Variants in MACF1 observed in about 807,000 individuals in gnomAD.
MACF1 encodes the protein microtubule actin crosslinking factor 1.
MACF1 carries 193 observed loss-of-function variants against 854.8 expected under a neutral mutation model. The observed-to-expected ratio is 0.23, with a 90% CI of 0.20 to 0.25. The LOEUF is 0.25. MACF1 is among the 10% of genes least tolerant of loss of function. The probability of loss-of-function intolerance (pLI) is 1.00; values close to 1 mark genes in which losing one functional copy is unlikely to be tolerated. For missense variants in MACF1, 7,722 were observed against 8,929.1 expected (o/e 0.86, Z 5.45); for synonymous variants, 3,185 against 3,226.7 (o/e 0.99, Z 0.44).
rs763526144 is a variant in MACF1 at position 39,334,370 on chromosome 1, C to T, written c.7782C>T (p.Thr2594=). 1 of 1,613,792 alleles carries T rather than the reference C, an allele frequency of 6.2e-7. No individual in the cohort carries two copies. Among genetic ancestry groups the T allele is most frequent in the African/African-American group, 1.3e-5 (1 of 74,838 alleles). The change falls in exon 37 of 101, where the codon ACC becomes ACT. Residue 2594 remains threonine (T), a synonymous_variant. Transcript: ENST00000564288. ...FVDLISGQRL[T]LAEAKKEGLL... ...ATCTCATTTCTGGTCAGAGATTGAC[C>T]TTGGCAGAAGCTAAAAAAGAAGGAC...
chr1:39,305,613 A>T (rs1282495093), intron 23 of MACF1, among the ~76,000 whole-genome samples: 1 of 152,100 alleles, frequency 6.6e-6, no homozygotes, highest in African/African-American at 2.4e-5. Flanking sequence ...TTTTTGTTTA[A>T]GTTGCTATTT....
chr1:39,366,215 G>A (rs1048998492), intron 49 of MACF1, among the ~76,000 whole-genome samples: 1 of 152,214 alleles, frequency 6.6e-6, no homozygotes, highest in African/African-American at 2.4e-5. Flanking sequence ...CACACTAAAT[G>A]TATTCATTCA....
chr1:39,126,162 T>G (rs1381767958), intron 2 of MACF1, among the ~76,000 whole-genome samples: 1 of 152,206 alleles, frequency 6.6e-6, no homozygotes, highest in Non-Finnish European at 1.5e-5. Context: ...CTTACAGTTC[T>G]GGAGGCGAGA....
At chr1:39,232,756 T>TG (rs1322458161) in intron 2 of MACF1, among the ~76,000 whole-genome samples, 5 of 141,120 alleles carry the variant, frequency 3.5e-5, no homozygotes, top group African/African-American at 1.0e-4. Context: ...GTTTTTTTTT[T>TG]TTTTTTTTTT....
chr1:39,128,733 T>C (rs906565396), intron 2 of MACF1, among the ~76,000 whole-genome samples: 1 of 152,140 alleles, frequency 6.6e-6, no homozygotes, highest in Non-Finnish European at 1.5e-5. Context: ...TTGCACCCTT[T>C]TCTGTAGTCT....
rs777185740 is a variant in MACF1, at chr1:39,413,882, C to T, written c.15817-8492C>T. On this transcript the variant is annotated intron_variant, in intron 58 of 100. Transcript: ENST00000564288. Reference sequence around the variant, plus strand: ...CCGGCAGCTTCAGTGCCCACCCCTGCAGCTATGGTGGCCACCCTAGAGGAA... The same window carrying T: ...CCGGCAGCTTCAGTGCCCACCCCTGTAGCTATGGTGGCCACCCTAGAGGAA... 18 of 1,608,370 alleles carry T rather than the reference C, an allele frequency of 1.1e-5. No homozygotes were observed. In the Admixed American group the frequency reaches 1.2e-4, roughly 11 times the overall value.
intron 5 of MACF1, among the ~76,000 whole-genome samples, chr1:39,256,048 C>T (rs535854313): frequency 1.3e-5 from 2 of 151,994 alleles, no homozygotes; most frequent in African/African-American, 2.4e-5. Context: ...TAGGGAAAAA[C>T]GAAAGTCATC....
intron 1 of MACF1, among the ~76,000 whole-genome samples, chr1:39,230,500 C>T (rs747952877): frequency 4.0e-5 from 6 of 151,254 alleles, no homozygotes; most frequent in African/African-American, 9.7e-5. Flanking sequence ...TGGCAGGAGT[C>T]GGAGAAAGTA....
intron 58 of MACF1, among the ~76,000 whole-genome samples, chr1:39,403,162 G>A (rs911025267): frequency 1.3e-5 from 2 of 151,752 alleles, no homozygotes; most frequent in African/African-American, 4.8e-5. Flanking sequence ...CAGTGGGTGC[G>A]ATCTTGGCTC....
intron 2 of MACF1, among the ~76,000 whole-genome samples, chr1:39,106,397 G>A (rs897448779): frequency 6.6e-6 from 1 of 152,192 alleles, no homozygotes; most frequent in African/African-American, 2.4e-5. Context: ...ACTTCTGCAA[G>A]TTAATGCCTA....
At chr1:39,434,722 A>G in intron 69 of MACF1, 90 bp downstream of exon 69, 1 of 1,070,466 alleles carries the variant, frequency 9.3e-7, no homozygotes, top group Non-Finnish European at 1.4e-6. Flanking sequence ...TATAGGTGCA[A>G]GTTCTGTGTT....
At chr1:39,410,222 A>C in intron 58 of MACF1, 1 of 1,455,696 alleles carries the variant, frequency 6.9e-7, no homozygotes, top group Non-Finnish European at 9.3e-7. Flanking sequence ...GAACCTGTGA[A>C]AAATACTTTT....
chr1:39,452,278 G>A lies in MACF1; in HGVS notation c.20541G>A (p.Leu6847=). 1.2e-6 allele frequency: 2 copies of A among 1,614,214 alleles called. No homozygotes were observed. The highest frequency in any genetic ancestry group is 2.2e-5 in the East Asian group (1 of 44,888). The change falls in exon 86 of 101, where the codon CTG becomes CTA. Residue 6847 remains leucine, a synonymous_variant. Transcript: ENST00000564288. ...GGGTAAAAGGACAGCTCCAGGAACT[G>A]AGCACTCGCTGGGACACTGTCTGTA... ...TTWVKGQLQE[L]STRWDTVCKL...
rs745940735 is a variant in MACF1, at chr1:39,484,725, G to A, written c.22406G>A (p.Arg7469Gln). 8.1e-6 allele frequency: 13 copies of A among 1,613,918 alleles called. No homozygotes were observed. The highest frequency in any genetic ancestry group is 1.7e-5 in the Admixed American group (1 of 59,982). ...SPASTGAKTN[R>Q]ADPKKSASRP... Reference sequence around the variant, plus strand: ...GCCTCCACAGGTGCCAAAACTAATCGGGCAGGTAAGTACCTGCCCCGTGAC... The same window carrying A: ...GCCTCCACAGGTGCCAAAACTAATCAGGCAGGTAAGTACCTGCCCCGTGAC... Residue 7469 changes from arginine to glutamine, a missense_variant, in exon 100 of 101, where the codon CGG becomes CAG. Arg to Gln is a conservative substitution (Grantham distance 43, BLOSUM62 1). Coordinates refer to ENST00000564288, the MANE Select transcript of MACF1 (RefSeq NM_001394062.1).
At chr1:39,432,746 T>A (rs1643895763) in intron 67 of MACF1, 92 bp downstream of exon 67, 1 of 1,291,542 alleles carries the variant, frequency 7.7e-7, no homozygotes, top group Non-Finnish European at 1.0e-6. Context: ...AGTGGAATAA[T>A]TTAGTGGCAT....
chr1:39,173,315 G>A (rs1476957540), intron 2 of MACF1, among the ~76,000 whole-genome samples: 1 of 141,992 alleles, frequency 7.0e-6, no homozygotes, highest in Non-Finnish European at 1.5e-5. Flanking sequence ...ACTCCAGCCT[G>A]GTGATGGAGC....
chr1:39,243,141 C>T (rs575848221), intron 2 of MACF1, among the ~76,000 whole-genome samples: 11 of 152,298 alleles, frequency 7.2e-5, no homozygotes, highest in South Asian at 2.1e-4. Context: ...TCCTAGACAG[C>T]GCTAATCACT....
rs979402604 is a variant in MACF1 at position 39,455,114 on chromosome 1, G to T, written c.21075+17G>T. The T allele has an allele frequency of 6.2e-7, 1 of 1,610,810 alleles. No individual in the cohort carries two copies. Among genetic ancestry groups the T allele is most frequent in the Admixed American group, 1.7e-5 (1 of 59,762 alleles). ...GAGCATCAGGTATCTTAACCTCACT[G>T]TGTGATCACTGGTGTTTTCCGTGTT... On this transcript the variant is annotated intron_variant, in intron 89 of 100. Transcript: ENST00000564288.
chr1:39,271,888 A>G (rs1372520227), intron 6 of MACF1, among the ~76,000 whole-genome samples: 1 of 152,212 alleles, frequency 6.6e-6, no homozygotes, highest in East Asian at 1.9e-4. Context: ...AGGAGTCTTA[A>G]AGAAAAGATT....
Sources: allele counts gnomAD v4.1 joint callset (sites outside exome capture counted in the v4.1 genomes callset), GRCh38; gene constraint gnomAD v4.1.1; transcripts MANE v1.5; gene names NCBI Gene and HGNC (gene_info 2026-07-23, HGNC 2026-07-21).